Variants in FDFT1 observed in about 807,000 individuals in gnomAD.
FDFT1 encodes the protein squalene synthase.
In FDFT1, 68 loss-of-function variants were observed where a neutral mutation model predicts 46.8. The observed-to-expected ratio is 1.45, with a 90% CI of 1.19 to 1.78. The LOEUF is 1.78. Ranked by LOEUF, FDFT1 falls within the 40% of genes most tolerant of loss-of-function variation. The pLI is 0.00. For synonymous variants in FDFT1, 351 were observed against 185.1 expected, an observed-to-expected ratio of 1.90 and a Z score of -7.28; for missense variants, 928 against 524.4, an observed-to-expected ratio of 1.77 and a Z score of -7.52.
At chr8:11,815,878 C>A (rs1478329711) in intron 3 of FDFT1, among the ~76,000 whole-genome samples, 2 of 152,136 alleles carry the variant, frequency 1.3e-5, no homozygotes, top group Non-Finnish European at 2.9e-5. Flanking sequence ...TGAATTAGAT[C>A]CCATTTGTCT....
chr8:11,824,131 G>A (rs548253217), intron 4 of FDFT1, among the ~76,000 whole-genome samples: 7 of 152,086 alleles, frequency 4.6e-5, no homozygotes, highest in Non-Finnish European at 8.8e-5. Context: ...CCAAAATTCC[G>A]GGATTACAGG....
chr8:11,801,852 C>G, upstream of FDFT1: 1 of 419,816 alleles, frequency 2.4e-6, no homozygotes, highest in Non-Finnish European at 4.7e-6. Flanking sequence ...CACCACCACA[C>G]TCGGCTTTTT....
At chr8:11,796,005 C>A (rs967948583) in exon 1 of FDFT1, 3 of 152,222 alleles carry the variant, frequency 2.0e-5, no homozygotes, top group African/African-American at 7.2e-5. Context: ...ACTCGACAGA[C>A]TCTAAGGTGA....
At chr8:11,826,578 C>G (rs938133133) in intron 5 of FDFT1, among the ~76,000 whole-genome samples, 1 of 152,148 alleles carries the variant, frequency 6.6e-6, no homozygotes, top group Admixed American at 6.5e-5. Context: ...GTTTGAGAGG[C>G]CAAGGTGGGC....
At chr8:11,827,645 G>C (rs1810185454) in intron 5 of FDFT1, among the ~76,000 whole-genome samples, 1 of 152,096 alleles carries the variant, frequency 6.6e-6, no homozygotes, top group Non-Finnish European at 1.5e-5. Context: ...CAGAAAAATG[G>C]GCAAGGAGAT....
intron 7 of FDFT1, among the ~76,000 whole-genome samples, chr8:11,835,685 C>G (rs997887753): frequency 6.6e-6 from 1 of 151,948 alleles, no homozygotes; most frequent in Non-Finnish European, 1.5e-5. Context: ...TAACAAAGTA[C>G]AAGTAGATGA....
upstream of FDFT1, among the ~76,000 whole-genome samples, chr8:11,801,284 C>T (rs1291778554): frequency 6.6e-6 from 1 of 152,178 alleles, no homozygotes; most frequent in Non-Finnish European, 1.5e-5. Flanking sequence ...GTTGGAGAGA[C>T]ACTGAACAGC....
chr8:11,820,874 C>G (rs1229412592), intron 3 of FDFT1, among the ~76,000 whole-genome samples: 1 of 152,218 alleles, frequency 6.6e-6, no homozygotes, highest in Non-Finnish European at 1.5e-5. Context: ...ATGGGCTGCA[C>G]CCACTGTCCA....
chr8:11,799,355 C>G (rs970748487), upstream of FDFT1, among the ~76,000 whole-genome samples: 1 of 152,220 alleles, frequency 6.6e-6, no homozygotes, highest in African/African-American at 2.4e-5. Flanking sequence ...TTTACTATTG[C>G]TTATCTCAAG....
intron 1 of FDFT1, chr8:11,808,561 A>G (rs1563300715): frequency 7.3e-7 from 1 of 1,366,286 alleles, no homozygotes; most frequent in South Asian, 1.7e-5. Flanking sequence ...GCCCTCTTCA[A>G]GCGCACCTTG....
intron 7 of FDFT1, among the ~76,000 whole-genome samples, chr8:11,835,022 C>G (rs1586013257): frequency 6.6e-6 from 1 of 152,126 alleles, no homozygotes; most frequent in African/African-American, 2.4e-5. Flanking sequence ...TATTCCGGAG[C>G]CTGAGACATG....
chr8:11,827,965 G>A (rs1429104113), intron 5 of FDFT1, among the ~76,000 whole-genome samples: 1 of 152,112 alleles, frequency 6.6e-6, no homozygotes, highest in Non-Finnish European at 1.5e-5. Flanking sequence ...ACTTTGGGAA[G>A]CCCAGGTGAG....
chr8:11,808,720 ACTCC>A, intron 1 of FDFT1, 70 bp from the exon 2 acceptor site: 2 of 1,459,156 alleles, frequency 1.4e-6, no homozygotes, highest in South Asian at 1.2e-5. Flanking sequence ...TCCCACTCCC[ACTCC>A]CACTCCCACT....
chr8:11,805,778 C>T (rs55756391), intron 1 of FDFT1, among the ~76,000 whole-genome samples: 26,851 of 152,198 alleles, frequency 0.18, 2,773 homozygotes, highest in African/African-American at 0.28. Flanking sequence ...TGCTACTTCA[C>T]ACTGACTAGG....
intron 5 of FDFT1, among the ~76,000 whole-genome samples, chr8:11,826,722 G>A (rs1810046276): frequency 6.6e-6 from 1 of 152,198 alleles, no homozygotes; most frequent in Non-Finnish European, 1.5e-5. Context: ...GGCTGAGGCA[G>A]GAGAATCGCT....
intron 5 of FDFT1, among the ~76,000 whole-genome samples, chr8:11,829,104 T>G (rs946713798): frequency 6.6e-6 from 1 of 152,150 alleles, no homozygotes; most frequent in Non-Finnish European, 1.5e-5. Context: ...TCCACCATTT[T>G]ACATTCCCGT....
At chr8:11,821,668 C>T (rs77559625) in intron 3 of FDFT1, 82 bp from the exon 4 acceptor site, 198,437 of 1,475,282 alleles carry the variant, frequency 0.13, 15,356 homozygotes, top group Non-Finnish European at 0.16. Context: ...ATGATTAATT[C>T]CGCCATTGTT....
chr8:11,823,706 A>G (rs982469589), intron 4 of FDFT1, among the ~76,000 whole-genome samples: 2 of 151,922 alleles, frequency 1.3e-5, no homozygotes, highest in African/African-American at 4.8e-5. Flanking sequence ...AGTAACTGGG[A>G]CCACAGGCAC....
chr8:11,803,968 A>G (rs1321435474), intron 1 of FDFT1: 1 of 152,406 alleles, frequency 6.6e-6, no homozygotes, highest in Non-Finnish European at 1.5e-5. Context: ...TTATTTTGCT[A>G]CAGAATAACT....
Sources: gnomAD v4.1 joint callset for allele counts (sites outside exome capture counted in the v4.1 genomes callset) on GRCh38, gnomAD v4.1.1 for gene constraint, MANE v1.5 for transcripts, NCBI Gene and HGNC (gene_info 2026-07-23, HGNC 2026-07-21) for gene names.